SLC22A15: variants seen among roughly 807,000 people sequenced by gnomAD.
SLC22A15 encodes flipt 1.
In SLC22A15, 45 loss-of-function variants were observed where a neutral mutation model predicts 62.7. The observed-to-expected ratio is 0.72, with a 90% CI of 0.56 to 0.92. SLC22A15 has a LOEUF of 0.92. SLC22A15 is among the 40% of genes least tolerant of loss of function. The pLI is 0.00. For missense variants in SLC22A15, 622 were observed against 665.6 expected, an observed-to-expected ratio of 0.93 and a Z score of 0.72; for synonymous variants, 264 against 267.0, an observed-to-expected ratio of 0.99 and a Z score of 0.11.
chr1:115,998,683 T>G (rs1457933990), intron 2 of SLC22A15, among the ~76,000 whole-genome samples: 1 of 152,130 alleles, frequency 6.6e-6, no homozygotes, highest in African/African-American at 2.4e-5. Flanking sequence ...CTCTCTTTTT[T>G]TCTTAGTTTA....
intron 8 of SLC22A15, among the ~76,000 whole-genome samples, chr1:116,060,460 G>A (rs1324256460): frequency 1.3e-5 from 2 of 152,168 alleles, no homozygotes; most frequent in Non-Finnish European, 1.5e-5. Context: ...GTATTAAGAA[G>A]ATACACTTTC....
chr1:115,980,116 T>C (rs1315766722), intron 1 of SLC22A15, among the ~76,000 whole-genome samples: 2 of 151,884 alleles, frequency 1.3e-5, no homozygotes, highest in East Asian at 1.9e-4. Flanking sequence ...AAGAGGAAAC[T>C]GTAATAGTCA....
intron 2 of SLC22A15, among the ~76,000 whole-genome samples, chr1:116,014,626 A>G (rs1362789574): frequency 6.6e-6 from 1 of 152,210 alleles, no homozygotes; most frequent in Non-Finnish European, 1.5e-5. Context: ...TAAAAAGAAC[A>G]TTCATTCTGT....
intron 2 of SLC22A15, among the ~76,000 whole-genome samples, chr1:116,002,166 G>T (rs1483783138): frequency 6.6e-6 from 1 of 152,164 alleles, no homozygotes; most frequent in Non-Finnish European, 1.5e-5. Context: ...AGAGCCTCTT[G>T]TTCTCTTCCC....
intron 5 of SLC22A15, among the ~76,000 whole-genome samples, chr1:116,028,544 TTTTTA>T (rs1419537449): frequency 1.3e-4 from 15 of 111,918 alleles, no homozygotes; most frequent in Non-Finnish European, 1.7e-4. Flanking sequence ...TTTTTTTTTT[TTTTTA>T]AAATATATAG....
In SLC22A15 at chr1:116,031,391, T is replaced by TTA. The variant is rs751743477; in HGVS notation, c.757_758dup (p.Ser254ThrfsTer6). On this transcript the variant is annotated frameshift_variant, in exon 6 of 12. Transcript: ENST00000369503. LOFTEE classifies it high-confidence loss of function. ...ATTCATTCCTGAATCACCTCGTTGG[T>TTA]TATACTCCCAGGGTCGACTGAGTGA... 6.2e-7 allele frequency: 1 copy of TTA among 1,613,584 alleles called. No individual in the cohort carries two copies. Among genetic ancestry groups the TTA allele is most frequent in the Non-Finnish European group, 8.5e-7 (1 of 1,179,806 alleles).
At chr1:116,034,187 G>A (rs920075396) in intron 6 of SLC22A15, among the ~76,000 whole-genome samples, 1 of 152,082 alleles carries the variant, frequency 6.6e-6, no homozygotes, top group African/African-American at 2.4e-5. Context: ...ACAAAGCTTC[G>A]GTGTTTTACT....
chr1:115,976,781 C>G (rs1026886869), intron 1 of SLC22A15, 67 bp downstream of exon 1: 52 of 1,259,874 alleles, frequency 4.1e-5, no homozygotes, highest in Non-Finnish European at 8.9e-6. Context: ...GCTAGGCGTC[C>G]GCTCCCAGAC....
At chr1:115,989,517 A>T (rs1655046578) in intron 1 of SLC22A15, among the ~76,000 whole-genome samples, 1 of 152,168 alleles carries the variant, frequency 6.6e-6, no homozygotes, top group East Asian at 1.9e-4. Flanking sequence ...ACAGTGGCTC[A>T]TGCCTGTAAT....
At chr1:116,007,765 A>G (rs1001127347) in intron 2 of SLC22A15, among the ~76,000 whole-genome samples, 10 of 152,232 alleles carry the variant, frequency 6.6e-5, no homozygotes, top group Non-Finnish European at 1.5e-4. Flanking sequence ...CATACACCTA[A>G]TAAGCTGCTA....
chr1:115,999,190 T>TA lies in SLC22A15; in HGVS notation c.300+6949dup, dbSNP rs532620416. 2.4e-4 allele frequency among the ~76,000 whole-genome samples: 37 copies of TA among 152,326 alleles called. 1 individual carries two copies. In the South Asian group the frequency reaches 7.5e-3, roughly 31 times the overall value. The stretch of plus-strand genomic sequence containing the variant: ...AAATTTTTAAGACTTGTTTTGTGGC[T>TA]AACATGTGGTCTATCTTTCAGCATG... On this transcript the variant is annotated intron_variant, in intron 2 of 11. Transcript: ENST00000369503.
intron 8 of SLC22A15, among the ~76,000 whole-genome samples, chr1:116,054,202 G>A (rs2101543364): frequency 6.6e-6 from 1 of 152,120 alleles, no homozygotes; most frequent in African/African-American, 2.4e-5. Flanking sequence ...ATAAAAGGAT[G>A]GAGGAAGATC....
intron 8 of SLC22A15, among the ~76,000 whole-genome samples, chr1:116,059,593 G>A (rs1209197966): frequency 6.6e-6 from 1 of 152,206 alleles, no homozygotes; most frequent in African/African-American, 2.4e-5. Flanking sequence ...AAACTATGGT[G>A]ACAGAAGTTT....
intron 8 of SLC22A15, among the ~76,000 whole-genome samples, chr1:116,057,199 C>G (rs1308757507): frequency 6.6e-6 from 1 of 151,272 alleles, no homozygotes; most frequent in South Asian, 2.1e-4. Context: ...TGAACTCAAA[C>G]AAATTTACAA....
intron 7 of SLC22A15, among the ~76,000 whole-genome samples, chr1:116,036,392 G>C (rs1327953012): frequency 6.6e-6 from 1 of 152,084 alleles, no homozygotes; most frequent in African/African-American, 2.4e-5. Flanking sequence ...CTTCCATATT[G>C]ACTGTTAAAT....
intron 1 of SLC22A15, among the ~76,000 whole-genome samples, chr1:115,977,969 G>A (rs887932098): frequency 6.6e-6 from 1 of 152,138 alleles, no homozygotes; most frequent in African/African-American, 2.4e-5. Flanking sequence ...TCACGAATAT[G>A]TGGTATTCTG....
At chr1:115,978,924 A>G (rs1235769358) in intron 1 of SLC22A15, among the ~76,000 whole-genome samples, 2 of 152,118 alleles carry the variant, frequency 1.3e-5, no homozygotes, top group East Asian at 3.9e-4. Flanking sequence ...TTTTCGTACC[A>G]TTGCCCAAGG....
chr1:116,018,946 A>G (rs963030413), intron 2 of SLC22A15, among the ~76,000 whole-genome samples: 2 of 152,204 alleles, frequency 1.3e-5, no homozygotes, highest in Admixed American at 6.5e-5. Context: ...CTGTATGTGC[A>G]TACAACATTT....
In SLC22A15 at chr1:116,031,380, C is replaced by T; in HGVS notation, c.743C>T (p.Ser248Leu). Residue 248 changes from serine to leucine, a missense_variant, in exon 6 of 12, where the codon TCA becomes TTA. By Grantham distance (145) the Ser-to-Leu change is moderately radical. Transcript: ENST00000369503. Reference sequence around the variant, plus strand: ...ATCTCTTTCAGATTCATTCCTGAATCACCTCGTTGGTTATACTCCCAGGGT... The same window carrying T: ...ATCTCTTTCAGATTCATTCCTGAATTACCTCGTTGGTTATACTCCCAGGGT... ...VFLLSLFIPE[S>L]PRWLYSQGRL... is the part of the protein sequence containing the mutation. The T allele has an allele frequency of 6.2e-7, 1 of 1,613,222 alleles. No individual in the cohort carries two copies. Among genetic ancestry groups the T allele is most frequent in the Non-Finnish European group, 8.5e-7 (1 of 1,179,646 alleles).
Sources: gnomAD v4.1 joint callset for allele counts (sites outside exome capture counted in the v4.1 genomes callset) on GRCh38, gnomAD v4.1.1 for gene constraint, MANE v1.5 for transcripts, NCBI Gene and HGNC (gene_info 2026-07-23, HGNC 2026-07-21) for gene names.